Variants in ASTN1 observed in about 807,000 individuals in gnomAD.
The protein encoded by ASTN1 is astrotactin-1.
A neutral mutation model predicts 140.7 loss-of-function variants in ASTN1; 41 were observed. That is an observed-to-expected ratio of 0.29 (90% confidence interval 0.23 to 0.38). The LOEUF (loss-of-function observed/expected upper bound fraction) is 0.38, where lower values mean the gene tolerates loss of function less well. ASTN1 is among the 10% of genes least tolerant of loss of function. The pLI, the probability that ASTN1 is intolerant of heterozygous loss-of-function variation, is 1.00. For synonymous variants in ASTN1, 640 were observed against 652.2 expected, an observed-to-expected ratio of 0.98 and a Z score of 0.29; for missense variants, 1,479 against 1,678.8, an observed-to-expected ratio of 0.88 and a Z score of 2.08.
intron 1 of ASTN1, among the ~76,000 whole-genome samples, chr1:177,129,075 A>G (rs999912384): frequency 6.6e-6 from 1 of 152,194 alleles, no homozygotes; most frequent in Non-Finnish European, 1.5e-5. Context: ...GATGAAGATG[A>G]TAAACCAGAC....
intron 16 of ASTN1, among the ~76,000 whole-genome samples, chr1:176,922,421 C>A (rs1245590426): frequency 1.3e-5 from 2 of 151,894 alleles, no homozygotes; most frequent in African/African-American, 4.8e-5. Flanking sequence ...AAGGGAGTAA[C>A]CCCCAGGCTG....
intron 12 of ASTN1, among the ~76,000 whole-genome samples, chr1:176,948,298 G>A (rs1672037359): frequency 6.9e-6 from 1 of 145,708 alleles, no homozygotes; most frequent in African/African-American, 2.5e-5. Context: ...GGGGAGGGGA[G>A]GGAGAGGGGG....
chr1:176,925,141 C>T (rs1670900733), intron 16 of ASTN1, among the ~76,000 whole-genome samples: 4 of 152,076 alleles, frequency 2.6e-5, no homozygotes, highest in Admixed American at 2.0e-4. Context: ...GATCAATGGC[C>T]TAATCAAAGA....
At chr1:176,983,753 T>C (rs115925080) in intron 8 of ASTN1, among the ~76,000 whole-genome samples, 71 of 152,346 alleles carry the variant, frequency 4.7e-4, no homozygotes, top group African/African-American at 1.7e-3. Context: ...GCTTTTTGCA[T>C]CTCAGTGCCC....
At chr1:177,127,094 A>G (rs542626318) in intron 1 of ASTN1, among the ~76,000 whole-genome samples, 6 of 152,266 alleles carry the variant, frequency 3.9e-5, no homozygotes, top group African/African-American at 1.2e-4. Flanking sequence ...GACAAATCTT[A>G]TGCAGGTAGG....
Position 176,965,154 on chromosome 1 carries a change from A to G in ASTN1, c.1598+9T>C. On this transcript the variant is annotated intron_variant, in intron 9 of 22. Coordinates refer to ENST00000361833, the MANE Select transcript of ASTN1 (RefSeq NM_004319.3). ...ACGTACATAAGCAAGTCCCTAGACAATCACTTACCTAAATATTTTATCAGA... is the reference window on the plus strand; with the variant it reads ...ACGTACATAAGCAAGTCCCTAGACAGTCACTTACCTAAATATTTTATCAGA... The G allele has an allele frequency of 6.2e-7, 1 of 1,613,396 alleles. No homozygotes were observed. Among genetic ancestry groups the G allele is most frequent in the Non-Finnish European group, 8.5e-7 (1 of 1,179,396 alleles).
intron 1 of ASTN1, among the ~76,000 whole-genome samples, chr1:177,134,448 A>G (rs1682084921): frequency 1.3e-5 from 2 of 152,162 alleles, no homozygotes; most frequent in Non-Finnish European, 2.9e-5. Flanking sequence ...GAGAATCACA[A>G]GGTGTCTGGA....
chr1:176,893,928 T>A (rs933349539), intron 17 of ASTN1, among the ~76,000 whole-genome samples: 9 of 152,170 alleles, frequency 5.9e-5, no homozygotes, highest in African/African-American at 2.2e-4. Flanking sequence ...CATTTTCTCC[T>A]GGCATCTTTG....
intron 1 of ASTN1, among the ~76,000 whole-genome samples, chr1:177,083,545 T>A (rs746165184): frequency 6.6e-5 from 10 of 152,170 alleles, no homozygotes; most frequent in Non-Finnish European, 1.3e-4. Context: ...TTAAAGAAAT[T>A]GCAGCAACTG....
intron 11 of ASTN1, among the ~76,000 whole-genome samples, chr1:176,955,025 G>A (rs949844703): frequency 3.3e-5 from 5 of 152,192 alleles, no homozygotes; most frequent in Non-Finnish European, 4.4e-5. Context: ...ATTCAGCCAG[G>A]AAAATATAAG....
At chr1:176,880,774 A>G (rs1668761607) in intron 20 of ASTN1, among the ~76,000 whole-genome samples, 1 of 152,204 alleles carries the variant, frequency 6.6e-6, no homozygotes, top group African/African-American at 2.4e-5. Flanking sequence ...CTAGAGCAGC[A>G]GGGAGTTAAG....
rs149735029 is a variant in ASTN1, at chr1:177,123,936, T to G, written c.283+40458A>C. 7.0e-4 allele frequency among the ~76,000 whole-genome samples: 106 copies of G among 152,294 alleles called. No homozygotes were observed. The East Asian group carries it at 0.018, about 26-fold the overall frequency. On this transcript the variant is annotated intron_variant, in intron 1 of 22. Transcript: ENST00000361833. ...CCCCAGAATGGCAAGTCTATTTCCATCTTGCCCAGGAGGAGGACTGGTCCA... is the reference window on the plus strand; with the variant it reads ...CCCCAGAATGGCAAGTCTATTTCCAGCTTGCCCAGGAGGAGGACTGGTCCA...
intron 21 of ASTN1, among the ~76,000 whole-genome samples, chr1:176,869,667 A>G (rs1668260653): frequency 6.6e-6 from 1 of 152,170 alleles, no homozygotes; most frequent in South Asian, 2.1e-4. Flanking sequence ...TCAGGGGTAG[A>G]AGGAAAGAAT....
downstream of ASTN1, among the ~76,000 whole-genome samples, chr1:176,858,217 ATT>A (rs948624832): frequency 4.9e-4 from 74 of 152,184 alleles, no homozygotes; most frequent in African/African-American, 1.7e-3. Flanking sequence ...AAAGAGTTTT[ATT>A]TATTTATTTT....
At chr1:177,027,555 A>G (rs1247452650) in intron 5 of ASTN1, among the ~76,000 whole-genome samples, 2 of 150,154 alleles carry the variant, frequency 1.3e-5, no homozygotes, top group African/African-American at 4.9e-5. Context: ...TCGTGTGCGT[A>G]TATATTTATA....
At chr1:177,022,111 T>C (rs777664381) in intron 7 of ASTN1, among the ~76,000 whole-genome samples, 2 of 152,160 alleles carry the variant, frequency 1.3e-5, no homozygotes, top group Non-Finnish European at 2.9e-5. Context: ...TTTAGATGTT[T>C]CAGTTACCTG....
chr1:176,932,541 C>T (rs570654287), intron 16 of ASTN1, among the ~76,000 whole-genome samples: 9 of 152,180 alleles, frequency 5.9e-5, no homozygotes, highest in Admixed American at 3.3e-4. Context: ...TAGAGATTGA[C>T]GTAGACCTAC....
At chr1:177,164,252 T>TGGTCCGGGAGTGGGGCG in intron 1 of ASTN1, 142 bp downstream of exon 1, 1 of 913,818 alleles carries the variant, frequency 1.1e-6, no homozygotes, top group South Asian at 1.8e-5. Context: ...GTGTGGAGAA[T>TGGTCCGGGAGTGGGGCG]GGTCCGGGAG....
intron 1 of ASTN1, among the ~76,000 whole-genome samples, chr1:177,118,000 G>A (rs1681183040): frequency 6.6e-6 from 1 of 152,120 alleles, no homozygotes; most frequent in Non-Finnish European, 1.5e-5. Flanking sequence ...CATAGTGCTA[G>A]ATTATATGTA....
Sources: allele counts gnomAD v4.1 joint callset (sites outside exome capture counted in the v4.1 genomes callset), GRCh38; gene constraint gnomAD v4.1.1; transcripts MANE v1.5; gene names NCBI Gene and HGNC (gene_info 2026-07-23, HGNC 2026-07-21).